The following KDM2B variants were observed in gnomAD, a reference collection of about 807,000 sequenced individuals.
The protein encoded by KDM2B is lysine demethylase 2B.
KDM2B carries 26 observed loss-of-function variants against 150.0 expected under a neutral mutation model. The ratio of observed to expected loss-of-function variants is 0.17; its 90% CI spans 0.13 to 0.24. The LOEUF (loss-of-function observed/expected upper bound fraction) is 0.24. Ranked by LOEUF, KDM2B falls within the 10% of genes least tolerant of loss-of-function variation. The probability of loss-of-function intolerance (pLI) is 1.00; values close to 1 mark genes in which losing one functional copy is unlikely to be tolerated. For synonymous variants in KDM2B, 734 were observed against 729.5 expected (o/e 1.01, Z -0.10); for missense variants, 1,265 against 1,816.9 (o/e 0.70, Z 5.52).
At chr12:121,496,641 C>T (rs529441560) in intron 11 of KDM2B, among the ~76,000 whole-genome samples, 104 of 152,056 alleles carry the variant, frequency 6.8e-4, no homozygotes, top group Middle Eastern at 3.4e-3. Context: ...ACTACAAGTG[C>T]GTAACACCAA....
intron 22 of KDM2B, among the ~76,000 whole-genome samples, chr12:121,439,348 T>C (rs1459938122): frequency 6.6e-6 from 1 of 151,984 alleles, no homozygotes; most frequent in Non-Finnish European, 1.5e-5. Context: ...GGCACTATTT[T>C]GGGGTAGCAA....
At chr12:121,546,995 C>G (rs1889105087) in intron 6 of KDM2B, among the ~76,000 whole-genome samples, 1 of 152,104 alleles carries the variant, frequency 6.6e-6, no homozygotes, top group African/African-American at 2.4e-5. Context: ...CCGCACCTGG[C>G]CTCCTCTGTC....
chr12:121,501,294 G>A (rs976612720), intron 11 of KDM2B, among the ~76,000 whole-genome samples: 7 of 152,112 alleles, frequency 4.6e-5, no homozygotes, highest in Non-Finnish European at 7.4e-5. Context: ...CACGAGAATT[G>A]CTTGAACCCG....
At chr12:121,487,500 T>C (rs1882890013) in intron 12 of KDM2B, among the ~76,000 whole-genome samples, 3 of 152,178 alleles carry the variant, frequency 2.0e-5, no homozygotes, top group African/African-American at 7.2e-5. Context: ...ACCCTCATCC[T>C]GGCCCTGCGG....
At chr12:121,569,085 C>A (rs1025069200) in intron 4 of KDM2B, among the ~76,000 whole-genome samples, 1 of 152,228 alleles carries the variant, frequency 6.6e-6, no homozygotes, top group African/African-American at 2.4e-5. Flanking sequence ...GCTGCGACCC[C>A]GCAATGACTG....
At chr12:121,504,742 G>A (rs1181888603) in intron 11 of KDM2B, among the ~76,000 whole-genome samples, 1 of 152,126 alleles carries the variant, frequency 6.6e-6, no homozygotes, top group Non-Finnish European at 1.5e-5. Flanking sequence ...GCTCATGCCT[G>A]TAATCCCAGC....
chr12:121,497,764 T>C (rs1555301277), intron 11 of KDM2B, among the ~76,000 whole-genome samples: 1 of 152,102 alleles, frequency 6.6e-6, no homozygotes, highest in African/African-American at 2.4e-5. Flanking sequence ...TGTAATATTG[T>C]ACCTTGGGTG....
At chr12:121,440,529 C>G (rs1486051302) in intron 21 of KDM2B, 1 of 435,008 alleles carries the variant, frequency 2.3e-6, no homozygotes, top group Non-Finnish European at 4.1e-6. Context: ...CGCAGAGCCC[C>G]ATGAGCGAGT....
intron 12 of KDM2B, among the ~76,000 whole-genome samples, chr12:121,491,033 A>G (rs57917116): frequency 0.23 from 34,468 of 152,050 alleles, 7,070 homozygotes; most frequent in African/African-American, 0.55. Flanking sequence ...GACCCCGGGC[A>G]GCCCAGGCAG....
chr12:121,530,704 T>C (rs1015612439), intron 8 of KDM2B, among the ~76,000 whole-genome samples: 2 of 152,110 alleles, frequency 1.3e-5, no homozygotes, highest in Admixed American at 6.6e-5. Flanking sequence ...GCACATTTCC[T>C]CTTCCTGCCT....
chr12:121,581,268 G>A, upstream of KDM2B: 1 of 206,976 alleles, frequency 4.8e-6, no homozygotes, highest in East Asian at 1.3e-4. Flanking sequence ...CGAAGGGTAA[G>A]CCCTTGTTGG....
chr12:121,546,696 C>T (rs1448519525), intron 6 of KDM2B, among the ~76,000 whole-genome samples: 1 of 150,110 alleles, frequency 6.7e-6, no homozygotes, highest in African/African-American at 2.5e-5. Flanking sequence ...AGCCTCCGCG[C>T]CCAGCCTCTT....
At chr12:121,494,809 A>T (rs1883736521) in intron 11 of KDM2B, 144 bp from the exon 12 acceptor site, 2 of 588,404 alleles carry the variant, frequency 3.4e-6, no homozygotes, top group Non-Finnish European at 5.8e-6. Context: ...CACACATTCA[A>T]TAGAAACCAA....
In KDM2B at chr12:121,467,395, G is replaced by A; in HGVS notation, c.1735-14051C>T. ...GCCCGCGCTGGAGGGGGCGGGGAGG[G>A]GCCGGCGGGGGAGGGCCGGGGCGCC... On this transcript the variant is annotated intron_variant, in intron 12 of 22. Coordinates refer to ENST00000377071, the MANE Select transcript of KDM2B (RefSeq NM_032590.5). The surrounding 1 kb of genome is among the most constrained non-coding windows in gnomAD (Gnocchi z 5.1). The A allele has an allele frequency of 1.0e-6, 1 of 964,898 alleles. No homozygotes were observed. The highest frequency in any genetic ancestry group is 1.2e-6 in the Non-Finnish European group (1 of 813,648). 59.8% of individuals were successfully genotyped at this position (964,898 alleles called of 1,614,324 possible).
At chr12:121,508,636 C>T (rs1197418331) in intron 11 of KDM2B, among the ~76,000 whole-genome samples, 3 of 152,170 alleles carry the variant, frequency 2.0e-5, no homozygotes, top group African/African-American at 4.8e-5. Context: ...GAGGCAGTTC[C>T]ACACAGCGGT....
At chr12:121,524,099 T>A (rs892808317) in intron 8 of KDM2B, among the ~76,000 whole-genome samples, 3 of 151,940 alleles carry the variant, frequency 2.0e-5, no homozygotes, top group Non-Finnish European at 4.4e-5. Context: ...GACCACCGGG[T>A]CATGTGATGC....
chr12:121,480,928 TG>T (rs201309569), intron 12 of KDM2B, among the ~76,000 whole-genome samples: 1,480 of 120,248 alleles, frequency 0.012, 36 homozygotes, highest in African/African-American at 0.036. Context: ...GTGTTTTTTT[TG>T]TTGTTTTTTT....
intron 12 of KDM2B, among the ~76,000 whole-genome samples, chr12:121,473,231 A>C (rs1419162597): frequency 2.0e-5 from 3 of 151,938 alleles, no homozygotes; most frequent in Non-Finnish European, 4.4e-5. Context: ...TCTCTATTAA[A>C]ACTACAAAAA....
intron 11 of KDM2B, among the ~76,000 whole-genome samples, chr12:121,504,650 A>G (rs1884884217): frequency 6.6e-6 from 1 of 152,156 alleles, no homozygotes; most frequent in Admixed American, 6.5e-5. Flanking sequence ...TAGGTATGGG[A>G]CTGTCCACAG....
Sources: gnomAD v4.1 joint callset for allele counts (sites outside exome capture counted in the v4.1 genomes callset) on GRCh38, gnomAD v4.1.1 for gene constraint, Gnocchi (gnomAD v3.1) non-coding constraint, MANE v1.5 for transcripts, NCBI Gene and HGNC (gene_info 2026-07-23, HGNC 2026-07-21) for gene names.